The following SPAG9 variants were observed in gnomAD, a reference collection of about 807,000 sequenced individuals.
The protein encoded by SPAG9 is C-Jun-amino-terminal kinase-interacting protein 4.
In SPAG9, 35 loss-of-function variants were observed where a neutral mutation model predicts 166.5. The ratio of observed to expected loss-of-function variants is 0.21; its 90% confidence interval spans 0.16 to 0.28. The LOEUF (loss-of-function observed/expected upper bound fraction) is 0.28, where lower values mean the gene tolerates loss of function less well. Among genes scored for constraint, SPAG9 ranks in the 10% least tolerant of loss-of-function variants. The probability of loss-of-function intolerance (pLI) is 1.00; values close to 1 mark genes in which losing one functional copy is unlikely to be tolerated. For synonymous variants in SPAG9, 534 were observed against 565.5 expected, an observed-to-expected ratio of 0.94 and a Z score of 0.79; for missense variants, 1,235 against 1,603.3, an observed-to-expected ratio of 0.77 and a Z score of 3.92.
intron 5 of SPAG9, among the ~76,000 whole-genome samples, chr17:51,037,605 T>C (rs1162153219): frequency 2.2e-5 from 3 of 138,584 alleles, no homozygotes; most frequent in African/African-American, 8.2e-5. Flanking sequence ...AAAGCTAGAC[T>C]CCATCTCAAA....
rs1243164336 is a variant in SPAG9, at chr17:50,962,667, T to C, written c.*3605A>G. ...TTGAGTCCTTTGGTAACGGTCATAA[T>C]ACTCACAAGGAAATAAATATTCAGT... On this transcript the variant is annotated 3_prime_UTR_variant, in exon 30 of 30. Coordinates refer to ENST00000262013, the MANE Select transcript of SPAG9 (RefSeq NM_001130528.3). 6.6e-6 allele frequency: 1 copy of C among 152,228 alleles called. No homozygotes were observed. Among genetic ancestry groups the C allele is most frequent in the Non-Finnish European group, 1.5e-5 (1 of 68,042 alleles). The allele number at this position is 152,228 out of a possible 1,614,324, so 9.4% of individuals were successfully genotyped here.
chr17:51,120,733 A>C lies in SPAG9; in HGVS notation c.-77T>G. ...CACCTGCCCGCACGGGACGGACCCG[A>C]CTCGGGCTGGGACGGGTACTAGGGC... On this transcript the variant is annotated 5_prime_UTR_variant, in exon 1 of 30. Transcript: ENST00000262013. The surrounding 1 kb of genome is among the most constrained non-coding windows in gnomAD (Gnocchi z 4.7). 1.5e-6 allele frequency: 2 copies of C among 1,335,746 alleles called. No homozygotes were observed. Among genetic ancestry groups the C allele is most frequent in the Non-Finnish European group, 1.0e-6 (1 of 989,044 alleles). 82.7% of individuals were successfully genotyped at this position (1,335,746 alleles called of 1,614,324 possible).
chr17:51,119,066 G>A (rs1163466159), intron 1 of SPAG9, among the ~76,000 whole-genome samples: 1 of 147,486 alleles, frequency 6.8e-6, no homozygotes, highest in Non-Finnish European at 1.5e-5. Flanking sequence ...AATTTTGTTT[G>A]GCAAATTCAA....
At position 51,052,282 on chromosome 17, in the gene SPAG9, C is replaced by G. The variant is rs181605910; in HGVS notation, c.495+4130G>C. ...GTTTATGTTTTAAGGGCGCCTAGTT[C>G]TTTGGCTTTAGATAGCTATTTATAA... On this transcript the variant is annotated intron_variant, in intron 3 of 29. Transcript: ENST00000262013. 1.2e-4 allele frequency among the ~76,000 whole-genome samples: 19 copies of G among 152,248 alleles called. No individual in the cohort carries two copies. The East Asian group carries it at 3.5e-3, about 28-fold the overall frequency.
intron 2 of SPAG9, among the ~76,000 whole-genome samples, chr17:51,061,830 T>C (rs1243458397): frequency 6.6e-6 from 1 of 152,106 alleles, no homozygotes; most frequent in Non-Finnish European, 1.5e-5. Flanking sequence ...TCAGCCTCCA[T>C]TCACAGCTTT....
In SPAG9 at chr17:50,970,422, G is replaced by A. The variant is rs531776828; in HGVS notation, c.3850+285C>T. Among the ~76,000 whole-genome samples the A allele has an allele frequency of 3.3e-5, 5 of 150,762 alleles. No homozygotes were observed. In the South Asian group the frequency reaches 8.4e-4, roughly 25 times the overall value. On this transcript the variant is annotated intron_variant, in intron 29 of 29. Transcript: ENST00000262013. ...CTAGCTACCTGGGGGGCTGAAGCAG[G>A]AGAATCACTTGAACCTGGAGGCAGA... is the stretch of plus-strand genomic sequence containing the variant.
intron 2 of SPAG9, among the ~76,000 whole-genome samples, chr17:51,074,704 A>T (rs1598131944): frequency 1.3e-5 from 2 of 152,300 alleles, no homozygotes; most frequent in East Asian, 3.9e-4. Context: ...TTTTTAAATG[A>T]TCTCATTTTT....
At chr17:51,087,759 A>G (rs1420595984) in intron 1 of SPAG9, among the ~76,000 whole-genome samples, 3 of 151,908 alleles carry the variant, frequency 2.0e-5, no homozygotes, top group Admixed American at 6.6e-5. Flanking sequence ...TTTAGAGATG[A>G]GGTGTTGTTC....
At chr17:51,018,604 AC>A (rs1421583026) in intron 8 of SPAG9, among the ~76,000 whole-genome samples, 1 of 152,104 alleles carries the variant, frequency 6.6e-6, no homozygotes, top group East Asian at 1.9e-4. Context: ...CACCTTCTGA[AC>A]CCACCCAGCA....
intron 1 of SPAG9, among the ~76,000 whole-genome samples, chr17:51,085,959 A>ATTTTTTTTTTT (rs34918673): frequency 2.3e-5 from 2 of 88,078 alleles, no homozygotes; most frequent in Non-Finnish European, 4.3e-5. Context: ...CTTGGAAATC[A>ATTTTTTTTTTT]TTTTTTTTTT....
At position 51,120,219 on chromosome 17, in the gene SPAG9, G is replaced by C; in HGVS notation, c.303+135C>G. On this transcript the variant is annotated intron_variant, in intron 1 of 29. Transcript: ENST00000262013. The surrounding 1 kb of genome is among the most constrained non-coding windows in gnomAD (Gnocchi z 4.7). ...GGGGTACCTGGAGGCCGCCGGGATC[G>C]GTCCCAGGGGGCATCGGCCTCAGGC... The C allele has an allele frequency of 1.5e-6, 1 of 674,944 alleles. No individual in the cohort carries two copies. The allele number at this position is 674,944 out of a possible 1,614,324, so 41.8% of individuals were successfully genotyped here. A position where few individuals can be genotyped will look rare whatever the true frequency, so the allele number is the denominator to read the frequency against.
chr17:50,995,734 T>G (rs1555634737), intron 16 of SPAG9: 4 of 532,338 alleles, frequency 7.5e-6, no homozygotes, highest in Non-Finnish European at 1.3e-5. Flanking sequence ...TGATCATGGC[T>G]CACTGCAGCC....
At chr17:51,049,373 A>G (rs923746263) in intron 3 of SPAG9, among the ~76,000 whole-genome samples, 2 of 151,666 alleles carry the variant, frequency 1.3e-5, no homozygotes, top group African/African-American at 4.8e-5. Context: ...CAAAAAAAAA[A>G]ACCACTTTAA....
intron 3 of SPAG9, among the ~76,000 whole-genome samples, chr17:51,053,854 A>AATATATATAT (rs1491529465): frequency 4.6e-4 from 16 of 34,440 alleles, no homozygotes; most frequent in African/African-American, 1.6e-3. Context: ...AAAAAAAAAA[A>AATATATATAT]GTATATATAT....
At chr17:51,112,201 C>G (rs953973858) in intron 1 of SPAG9, among the ~76,000 whole-genome samples, 3 of 152,018 alleles carry the variant, frequency 2.0e-5, no homozygotes, top group African/African-American at 7.2e-5. Flanking sequence ...GGGCATATCT[C>G]TATCTACTCT....
At chr17:51,088,652 G>C (rs532187772) in intron 1 of SPAG9, among the ~76,000 whole-genome samples, 21 of 152,262 alleles carry the variant, frequency 1.4e-4, no homozygotes, top group African/African-American at 4.6e-4. Context: ...AAAAAAATTA[G>C]GCGGACTTGG....
chr17:51,091,094 G>A (rs898315655), intron 1 of SPAG9, among the ~76,000 whole-genome samples: 1 of 151,428 alleles, frequency 6.6e-6, no homozygotes, highest in African/African-American at 2.4e-5. Context: ...CTGTCTCCAC[G>A]AAACCCTGTC....
chr17:50,995,042 A>T lies in SPAG9; in HGVS notation c.2226+15T>A. 6.3e-7 allele frequency: 1 copy of T among 1,598,292 alleles called. No individual in the cohort carries two copies. Among genetic ancestry groups the T allele is most frequent in the Non-Finnish European group, 8.5e-7 (1 of 1,170,580 alleles). ...AGTCTCATAAACCAGGTCAAATGTT[A>T]GTACACACACTTACCTTAAGTTCCT... On this transcript the variant is annotated intron_variant, in intron 18 of 29. Coordinates refer to ENST00000262013, the MANE Select transcript of SPAG9 (RefSeq NM_001130528.3).
At position 51,120,404 on chromosome 17, in the gene SPAG9, G is replaced by A. The variant is rs1274452597; in HGVS notation, c.253C>T (p.Leu85Phe). The A allele has an allele frequency of 6.2e-7, 1 of 1,611,298 alleles. No homozygotes were observed. The highest frequency in any genetic ancestry group is 2.2e-5 in the East Asian group (1 of 44,756). ...TTCTCCCGCTCGTACTGGGTGATGAGCTGCTCGTTGTCGTCCCGCAGCAGC... is the reference window on the plus strand; with the variant it reads ...TTCTCCCGCTCGTACTGGGTGATGAACTGCTCGTTGTCGTCCCGCAGCAGC... Reference protein sequence around the residue: ...LELLRDDNEQLITQYEREKAL... With the variant: ...LELLRDDNEQFITQYEREKAL... The change falls in exon 1 of 30, where the codon CTC becomes TTC. Residue 85 changes from leucine to phenylalanine, a missense_variant. Physicochemically the swap from Leu to Phe is conservative, Grantham distance 22. Around this residue, in one of 6 missense-constraint regions of SPAG9, gnomAD observed 83 missense variants for 149.8 expected, o/e 0.55. Transcript: ENST00000262013. This position sits in a 1 kb window ranked among gnomAD's most constrained non-coding sequence, Gnocchi z 4.7.
Sources: allele counts gnomAD v4.1 joint callset (sites outside exome capture counted in the v4.1 genomes callset), GRCh38; gene constraint gnomAD v4.1.1; regional missense constraint gnomAD v4.1.1; non-coding constraint Gnocchi (gnomAD v3.1); transcripts MANE v1.5; gene names NCBI Gene and HGNC (gene_info 2026-07-23, HGNC 2026-07-21).